Variants in C14orf93 observed in about 807,000 individuals in gnomAD.
The protein encoded by C14orf93 is chromosome 14 open reading frame 93.
In C14orf93, 23 loss-of-function variants were observed where a neutral mutation model predicts 44.0. The observed-to-expected ratio is 0.52, with a 90% CI of 0.38 to 0.74. C14orf93 has a LOEUF of 0.74. C14orf93 is among the 30% of genes least tolerant of loss of function. C14orf93 has a pLI of 0.00. For synonymous variants in C14orf93, 253 were observed against 265.7 expected, an observed-to-expected ratio of 0.95 and a Z score of 0.46; for missense variants, 579 against 678.9, an observed-to-expected ratio of 0.85 and a Z score of 1.64.
chr14:22,999,025 G>A lies in C14orf93; in HGVS notation c.-2C>T, dbSNP rs2046163181. On this transcript the variant is annotated 5_prime_UTR_variant, in exon 2 of 7. Coordinates refer to ENST00000299088, the MANE Select transcript of C14orf93 (RefSeq NM_021944.4). ...GAGAATGGTGGCACTGAAGGACATG[G>A]CGGATGGGGCAGTAACAACCACGCT... 1.2e-6 allele frequency: 2 copies of A among 1,604,632 alleles called. No individual in the cohort carries two copies. Among genetic ancestry groups the A allele is most frequent in the Non-Finnish European group, 1.7e-6 (2 of 1,177,164 alleles).
intron 4 of C14orf93, 39 bp downstream of exon 4, chr14:22,990,027 A>G: frequency 1.3e-6 from 2 of 1,575,750 alleles, no homozygotes; most frequent in South Asian, 1.1e-5. Context: ...TGTCCTTAGC[A>G]AAGTACCTTC....
chr14:22,998,787 A>G lies in C14orf93; in HGVS notation c.237T>C (p.Ala79=), dbSNP rs2046145641. Residue 79 remains alanine, a synonymous_variant, in exon 2 of 7, where the codon GCT becomes GCC. Transcript: ENST00000299088. ...CATTGTTGGCCCTGGCAAGACCCAGAGCAGCTTCAGCCAAACCCACTGCCT... is the reference window on the plus strand; with the variant it reads ...CATTGTTGGCCCTGGCAAGACCCAGGGCAGCTTCAGCCAAACCCACTGCCT... The part of the protein sequence containing the change: ...VDKAVGLAEA[A]LGLARANNEL... 3.1e-6 allele frequency: 5 copies of G among 1,614,042 alleles called. No individual in the cohort carries two copies. The highest frequency in any genetic ancestry group is 2.2e-5 in the South Asian group (2 of 91,048).
In C14orf93 at chr14:22,996,885, A is replaced by AAGGAAGAAGGGAGCAAGGGAGAGAGGG. The variant is rs2046002839; in HGVS notation, c.598-644_598-618dup. 6.6e-6 allele frequency among the ~76,000 whole-genome samples: 1 copy of AAGGAAGAAGGGAGCAAGGGAGAGAGGG among 152,002 alleles called. No individual in the cohort carries two copies. Among genetic ancestry groups the AAGGAAGAAGGGAGCAAGGGAGAGAGGG allele is most frequent in the Non-Finnish European group, 1.5e-5 (1 of 67,988 alleles). ...CACTCAAGGACATACAGAGCCGGGA[A>AAGGAAGAAGGGAGCAAGGGAGAGAGGG]AGGAAGAAGGGAGCAAGGGAGAGAG... is the stretch of plus-strand genomic sequence containing the variant. On this transcript the variant is annotated intron_variant, in intron 2 of 6. Coordinates refer to ENST00000299088, the MANE Select transcript of C14orf93 (RefSeq NM_021944.4). This position sits in a 1 kb window ranked among gnomAD's most constrained non-coding sequence, Gnocchi z 4.1.
Position 22,987,390 on chromosome 14 carries a change from G to A in C14orf93, c.1442C>T (p.Pro481Leu), listed in dbSNP as rs747666701. The change falls in exon 7 of 7, where the codon CCT (proline) becomes CTT (leucine). Residue 481 changes from proline to leucine, a missense_variant. By Grantham distance (98) the Pro-to-Leu change is moderately conservative. Transcript: ENST00000299088. The surrounding 1 kb of genome is among the most constrained non-coding windows in gnomAD (Gnocchi z 5.6). ...TGGAAGGAGCTGGGCTTCAGCAGAA[G>A]GCAGTCTGTCTGAGGGAGGCCCATA... ...RVYGPPSDRL[P>L]SAEAQLLPPE... is the part of the protein sequence containing the mutation. The A allele has an allele frequency of 8.1e-6, 13 of 1,614,252 alleles. No individual in the cohort carries two copies. The South Asian group carries it at 1.1e-4, about 14-fold the overall frequency.
At chr14:23,002,573 GT>G (rs1225118028) in intron 1 of C14orf93, 1 of 152,084 alleles carries the variant, frequency 6.6e-6, no homozygotes, top group Non-Finnish European at 1.5e-5. Context: ...ACTTTGAGTG[GT>G]TTTTGTGAAG....
intron 5 of C14orf93, among the ~76,000 whole-genome samples, chr14:22,989,427 C>T (rs897996731): frequency 6.6e-6 from 1 of 152,212 alleles, no homozygotes; most frequent in African/African-American, 2.4e-5. Flanking sequence ...CTGAACATAA[C>T]ACCTCCTCAT....
At chr14:23,008,926 T>C (rs537072812) in intron 1 of C14orf93, among the ~76,000 whole-genome samples, 1 of 152,350 alleles carries the variant, frequency 6.6e-6, no homozygotes, top group South Asian at 2.1e-4. Context: ...TTCCTGATAC[T>C]TTGCCAGCTG....
At chr14:23,008,174 A>C (rs1275028875) in intron 1 of C14orf93, among the ~76,000 whole-genome samples, 6 of 141,558 alleles carry the variant, frequency 4.2e-5, no homozygotes, top group Non-Finnish European at 7.6e-5. Context: ...AAAAAAAAAA[A>C]AAAAAACTCC....
intron 4 of C14orf93, 36 bp downstream of exon 4, chr14:22,990,030 G>C: frequency 6.3e-7 from 1 of 1,578,694 alleles, no homozygotes; most frequent in Non-Finnish European, 8.7e-7. Flanking sequence ...CCTTAGCAAA[G>C]TACCTTCTAA....
intron 1 of C14orf93, among the ~76,000 whole-genome samples, chr14:23,003,828 G>T (rs1280946780): frequency 1.5e-5 from 2 of 131,442 alleles, no homozygotes; most frequent in Non-Finnish European, 3.2e-5. Context: ...GCTGGTGAGT[G>T]GGGTGAGATA....
intron 3 of C14orf93, among the ~76,000 whole-genome samples, chr14:22,991,170 C>CA (rs113336374): frequency 7.0e-6 from 1 of 143,620 alleles, no homozygotes; most frequent in Non-Finnish European, 1.5e-5. Context: ...TATTTCTTTT[C>CA]TTTTTTTTTT....
At chr14:22,990,174 T>C (rs1373026782) in intron 3 of C14orf93, 47 bp from the exon 4 acceptor site, 1 of 1,528,918 alleles carries the variant, frequency 6.5e-7, no homozygotes, top group Non-Finnish European at 9.0e-7. Flanking sequence ...GTGGATGTTA[T>C]GAAAACTCTC....
At chr14:23,002,987 CCTT>C (rs952100480) in intron 1 of C14orf93, among the ~76,000 whole-genome samples, 2 of 152,170 alleles carry the variant, frequency 1.3e-5, no homozygotes, top group African/African-American at 2.4e-5. Flanking sequence ...AGATACAAAA[CCTT>C]CTATGACGCA....
At chr14:22,990,238 C>G in intron 3 of C14orf93, 111 bp from the exon 4 acceptor site, 1 of 842,334 alleles carries the variant, frequency 1.2e-6, no homozygotes, top group Non-Finnish European at 1.9e-6. Context: ...CTGCCTGAAT[C>G]CTTTCTAAGC....
At chr14:22,990,466 TTTTC>T (rs2045532380) in intron 3 of C14orf93, among the ~76,000 whole-genome samples, 5 of 149,330 alleles carry the variant, frequency 3.3e-5, no homozygotes, top group Admixed American at 2.1e-4. Context: ...TCTTTTTTAC[TTTTC>T]TTTCTTTTTT....
chr14:23,000,358 T>G (rs146321706), intron 1 of C14orf93, among the ~76,000 whole-genome samples: 1 of 152,194 alleles, frequency 6.6e-6, no homozygotes, highest in Admixed American at 6.5e-5. Context: ...ACCTTAAGTA[T>G]GTTTACAATT....
chr14:22,987,926 T>G lies in C14orf93; in HGVS notation c.1174A>C (p.Lys392Gln). The G allele has an allele frequency of 6.2e-7, 1 of 1,613,902 alleles. No individual in the cohort carries two copies. The highest frequency in any genetic ancestry group is 8.5e-7 in the Non-Finnish European group (1 of 1,179,794). The change falls in exon 6 of 7, where the codon AAA becomes CAA. Residue 392 changes from lysine to glutamine, a missense_variant. Coordinates refer to ENST00000299088, the MANE Select transcript of C14orf93 (RefSeq NM_021944.4). This position sits in a 1 kb window ranked among gnomAD's most constrained non-coding sequence, Gnocchi z 5.6. ...ACCCGATATCGGCGACTTCGAAGTTTCTTCTCCTCTTTTTCCTTCAGGCCT... is the reference window on the plus strand; with the variant it reads ...ACCCGATATCGGCGACTTCGAAGTTGCTTCTCCTCTTTTTCCTTCAGGCCT... ...FKGLKEKEEK[K>Q]LRSRRYRLFA...
rs771075602 is a variant in C14orf93 at position 22,998,893 on chromosome 14, G to T, written c.131C>A (p.Thr44Asn). 2 of 1,613,822 alleles carry T rather than the reference G, an allele frequency of 1.2e-6. No homozygotes were observed. Among genetic ancestry groups the T allele is most frequent in the South Asian group, 1.1e-5 (1 of 91,064 alleles). Residue 44 changes from threonine to asparagine, a missense_variant, in exon 2 of 7, where the codon ACC becomes AAC. By Grantham distance (65) the Thr-to-Asn change is moderately conservative (BLOSUM62 0). Coordinates refer to ENST00000299088, the MANE Select transcript of C14orf93 (RefSeq NM_021944.4). ...GCCATGTCCAGTCACTGTGATGGGG[G>T]TGCTGGGAGGAGGATTCCCACCCTG... Reference protein sequence around the residue: ...GSQGGNPPPSTPITVTGHGLA... With the variant: ...GSQGGNPPPSNPITVTGHGLA...
rs756464140 is a variant in C14orf93 at position 22,996,985 on chromosome 14, A to G, written c.598-717T>C. ...AAAGTGGGGACACACACGCACACGCACACACACACACACACACACACACAC... is the reference window on the plus strand; with the variant it reads ...AAAGTGGGGACACACACGCACACGCGCACACACACACACACACACACACAC... On this transcript the variant is annotated intron_variant, in intron 2 of 6. Transcript: ENST00000299088. This position sits in a 1 kb window ranked among gnomAD's most constrained non-coding sequence, Gnocchi z 4.1. Among the ~76,000 whole-genome samples, 47 of 48,542 alleles carry G rather than the reference A, an allele frequency of 9.7e-4. No individual in the cohort carries two copies. Among genetic ancestry groups the G allele is most frequent in the East Asian group, 2.2e-3 (7 of 3,164 alleles). The allele number at this position is 48,542 out of a possible 152,430, so 31.8% of individuals were successfully genotyped here. A position where few individuals can be genotyped will look rare whatever the true frequency, so the allele number is the denominator to read the frequency against.
Sources: gnomAD v4.1 joint callset for allele counts (sites outside exome capture counted in the v4.1 genomes callset) on GRCh38, gnomAD v4.1.1 for gene constraint, Gnocchi (gnomAD v3.1) non-coding constraint, MANE v1.5 for transcripts, NCBI Gene and HGNC (gene_info 2026-07-23, HGNC 2026-07-21) for gene names.